The following VDAC1 variants were observed in gnomAD, a reference collection of about 807,000 sequenced individuals.
VDAC1 encodes voltage dependent anion channel 1.
A neutral mutation model predicts 34.7 loss-of-function variants in VDAC1; 10 were observed. The ratio of observed to expected loss-of-function variants is 0.29; its 90% CI spans 0.18 to 0.49. VDAC1 has a LOEUF of 0.49. Among genes scored for constraint, VDAC1 ranks in the 20% least tolerant of loss-of-function variants. VDAC1 has a pLI of 0.99. For synonymous variants in VDAC1, 130 were observed against 136.0 expected, an observed-to-expected ratio of 0.96 and a Z score of 0.30; for missense variants, 230 against 347.9, an observed-to-expected ratio of 0.66 and a Z score of 2.69.
chr5:134,059,242 C>T, the VDAC1 span, among the ~76,000 whole-genome samples: 2 of 152,190 alleles, frequency 1.3e-5, no homozygotes, highest in Non-Finnish European at 1.5e-5. Flanking sequence ...CCCTCCCCAC[C>T]AGCCAACGTG....
chr5:134,084,921 C>A, the VDAC1 span, among the ~76,000 whole-genome samples: 1 of 152,190 alleles, frequency 6.6e-6, no homozygotes, highest in Non-Finnish European at 1.5e-5. Flanking sequence ...GACCTAGTGT[C>A]ACACAGCCAG....
At chr5:134,017,908 G>A in the VDAC1 span, among the ~76,000 whole-genome samples, 35 of 152,172 alleles carry the variant, frequency 2.3e-4, no homozygotes, top group Admixed American at 1.8e-3. Context: ...GCGAGACTCC[G>A]TCTCAAAAAA....
the VDAC1 span, among the ~76,000 whole-genome samples, chr5:134,036,405 T>C: frequency 1.3e-5 from 2 of 152,090 alleles, no homozygotes; most frequent in Non-Finnish European, 2.9e-5. Flanking sequence ...TGGCCAACAC[T>C]CTTCATAAGT....
chr5:134,110,953 CA>C, the VDAC1 span, among the ~76,000 whole-genome samples: 2 of 152,204 alleles, frequency 1.3e-5, no homozygotes, highest in East Asian at 3.8e-4. Context: ...CATGAAGAGC[CA>C]ATTAGCCTAA....
intron 5 of VDAC1, among the ~76,000 whole-genome samples, chr5:133,988,579 A>C (rs1455032565): frequency 1.3e-5 from 2 of 152,046 alleles, no homozygotes; most frequent in Non-Finnish European, 2.9e-5. Flanking sequence ...CCTGGCCAAT[A>C]CGGTGAAACC....
chr5:134,097,251 G>A, the VDAC1 span, among the ~76,000 whole-genome samples: 4 of 152,008 alleles, frequency 2.6e-5, no homozygotes, highest in Admixed American at 6.6e-5. Context: ...CTCAGAACTT[G>A]GTTTTGAAAT....
At chr5:134,113,323 G>T in the VDAC1 span, among the ~76,000 whole-genome samples, 1 of 152,354 alleles carries the variant, frequency 6.6e-6, no homozygotes, top group African/African-American at 2.4e-5. Flanking sequence ...GGGGAGGGGG[G>T]TGTGGGGGCT....
chr5:133,975,919 G>A lies in VDAC1; in HGVS notation c.654C>T (p.Arg218=). 1 of 1,612,680 alleles carries A rather than the reference G, an allele frequency of 6.2e-7. No individual in the cohort carries two copies. Among genetic ancestry groups the A allele is most frequent in the Non-Finnish European group, 8.5e-7 (1 of 1,179,864 alleles). Residue 218 remains arginine (R), a synonymous_variant, in exon 7 of 9, where the codon CGC becomes CGT. Transcript: ENST00000265333. ...LAWTAGNSNT[R]FGIAAKYQID... is the part of the protein sequence containing the mutation. Reference sequence around the variant, plus strand: ...TCTGATACTTGGCTGCTATTCCGAAGCGCGTGTTACTGTTTCCTGCTGTCC... The same window carrying A: ...TCTGATACTTGGCTGCTATTCCGAAACGCGTGTTACTGTTTCCTGCTGTCC...
the VDAC1 span, among the ~76,000 whole-genome samples, chr5:134,031,741 A>G: frequency 1.2e-4 from 19 of 152,074 alleles, no homozygotes; most frequent in African/African-American, 4.6e-4. Flanking sequence ...ACTTGAGGTC[A>G]GGAGTTTCAG....
At chr5:134,007,017 C>A (rs1280018141), upstream of VDAC1, among the ~76,000 whole-genome samples, 1 of 151,810 alleles carries the variant, frequency 6.6e-6, no homozygotes, top group Admixed American at 6.6e-5. Context: ...GCTGAGGCGG[C>A]TGGATCACCT....
chr5:134,086,413 A>C, the VDAC1 span, among the ~76,000 whole-genome samples: 6 of 152,186 alleles, frequency 3.9e-5, no homozygotes, highest in South Asian at 2.1e-4. Context: ...GCAGCAGCTG[A>C]GGAACCTGGA....
At chr5:134,048,635 C>A in the VDAC1 span, among the ~76,000 whole-genome samples, 2 of 152,110 alleles carry the variant, frequency 1.3e-5, no homozygotes, top group African/African-American at 4.8e-5. Flanking sequence ...TTAAAGAAAA[C>A]TGGGCCATAA....
the VDAC1 span, among the ~76,000 whole-genome samples, chr5:134,103,635 C>G: frequency 6.6e-6 from 1 of 152,354 alleles, no homozygotes; most frequent in African/African-American, 2.4e-5. Context: ...AATGCAGACA[C>G]ACTGTGAGCC....
the VDAC1 span, among the ~76,000 whole-genome samples, chr5:134,054,993 G>A: frequency 6.6e-6 from 1 of 152,206 alleles, no homozygotes; most frequent in African/African-American, 2.4e-5. Context: ...TTCCTTTATT[G>A]TTCAGTCATA....
the VDAC1 span, among the ~76,000 whole-genome samples, chr5:134,099,841 T>C: frequency 6.6e-6 from 1 of 152,168 alleles, no homozygotes; most frequent in Non-Finnish European, 1.5e-5. Flanking sequence ...TCTCGGCCTC[T>C]CAAAGTGCTG....
chr5:134,075,827 C>T, the VDAC1 span, among the ~76,000 whole-genome samples: 6 of 152,250 alleles, frequency 3.9e-5, no homozygotes, highest in East Asian at 1.9e-4. Flanking sequence ...CCTGGTGATT[C>T]GCCCGCCTCA....
intron 5 of VDAC1, among the ~76,000 whole-genome samples, chr5:133,987,523 C>T (rs1025198550): frequency 4.0e-5 from 6 of 151,876 alleles, no homozygotes; most frequent in African/African-American, 1.5e-4. Context: ...ACTAAAAATA[C>T]AAAAATTAGC....
At chr5:133,994,482 G>A (rs953776677) in intron 1 of VDAC1, among the ~76,000 whole-genome samples, 13 of 152,128 alleles carry the variant, frequency 8.5e-5, no homozygotes, top group East Asian at 3.8e-4. Flanking sequence ...TAGTATCAGG[G>A]TAGAGAGATG....
At chr5:134,070,014 G>A in the VDAC1 span, among the ~76,000 whole-genome samples, 5 of 151,872 alleles carry the variant, frequency 3.3e-5, no homozygotes, top group Non-Finnish European at 5.9e-5. Context: ...TACCCTATAC[G>A]GTCTAAAAAG....
Sources: allele counts gnomAD v4.1 joint callset (sites outside exome capture counted in the v4.1 genomes callset), GRCh38; gene constraint gnomAD v4.1.1; transcripts MANE v1.5; gene names NCBI Gene and HGNC (gene_info 2026-07-23, HGNC 2026-07-21).